BMP8B: variants seen among roughly 807,000 people sequenced by gnomAD.
BMP8B encodes bone morphogenetic protein 8b, also known as bone morphogenetic protein 8 (osteogenic protein 2).
BMP8B carries 17 observed loss-of-function variants against 30.3 expected under a neutral mutation model. The observed-to-expected ratio is 0.56, with a 90% CI of 0.38 to 0.84. The LOEUF (loss-of-function observed/expected upper bound fraction) is 0.84, where lower values mean the gene tolerates loss of function less well. Ranked by LOEUF, BMP8B falls within the 40% of genes least tolerant of loss-of-function variation. The pLI, the probability that BMP8B is intolerant of heterozygous loss-of-function variation, is 0.00. For missense variants in BMP8B, 253 were observed against 494.6 expected (o/e 0.51, Z 4.63); for synonymous variants, 131 against 214.7 (o/e 0.61, Z 3.41).
chr1:39,762,521 C>T, intron 6 of BMP8B: 2 of 1,549,888 alleles, frequency 1.3e-6, no homozygotes, highest in Non-Finnish European at 1.7e-6. Context: ...TTTAAGGTTG[C>T]CCCAGATACC....
intron 1 of BMP8B, among the ~76,000 whole-genome samples, chr1:39,775,897 G>A (rs1650191355): frequency 6.6e-6 from 1 of 151,610 alleles, no homozygotes; most frequent in South Asian, 2.1e-4. Flanking sequence ...GGCTTTGAAG[G>A]GTGGGATGGG....
intron 1 of BMP8B, among the ~76,000 whole-genome samples, chr1:39,786,792 C>T (rs920915968): frequency 2.0e-5 from 3 of 152,226 alleles, no homozygotes; most frequent in Non-Finnish European, 4.4e-5. Context: ...GAGTCCTGTC[C>T]CTGGCACTGG....
At chr1:39,769,915 G>C (rs752130743) in intron 3 of BMP8B, 21 of 1,604,134 alleles carry the variant, frequency 1.3e-5, no homozygotes, top group African/African-American at 8.2e-5. Flanking sequence ...CCATGATCTT[G>C]GGGGTGTTGT....
chr1:39,783,385 C>T (rs1362932046), intron 1 of BMP8B, among the ~76,000 whole-genome samples: 3 of 152,056 alleles, frequency 2.0e-5, no homozygotes, highest in Non-Finnish European at 4.4e-5. Context: ...GAAAACACTG[C>T]GGAAATGGGT....
rs766967048 is a variant in BMP8B, at chr1:39,788,282, C to T, written c.204G>A (p.Arg68=). 1.1e-5 allele frequency: 14 copies of T among 1,326,972 alleles called. No homozygotes were observed. Among genetic ancestry groups the T allele is most frequent in the Non-Finnish European group, 1.3e-5 (14 of 1,045,510 alleles). The allele number at this position is 1,326,972 out of a possible 1,614,324, so 82.2% of individuals were successfully genotyped here. ...TGAAGAGCGGCGCGGACGCGGGCAG[C>T]CGGGAGGCGGCGGGTGGCGCGCGGG... ...PRPRAPPAAS[R]LPASAPLFML... is the part of the protein sequence containing the mutation. Residue 68 remains arginine, a synonymous_variant, in exon 1 of 7, where the codon CGG becomes CGA. Coordinates refer to ENST00000372827, the MANE Select transcript of BMP8B (RefSeq NM_001720.5). The surrounding 1 kb of genome is among the most constrained non-coding windows in gnomAD (Gnocchi z 5.8).
Position 39,760,456 on chromosome 1 carries a change from T to G in BMP8B, c.1172A>C (p.His391Pro). 1 of 1,614,140 alleles carries G rather than the reference T, an allele frequency of 6.2e-7. No individual in the cohort carries two copies. The highest frequency in any genetic ancestry group is 8.5e-7 in the Non-Finnish European group (1 of 1,180,018). The stretch of plus-strand genomic sequence containing the variant: ...GCAGGCCTTGACCACCATGTTGCGG[T>G]GCTTGCGCAGGATGACATTGTTGCT... Reference protein sequence around the residue: ...DSSNNVILRKHRNMVVKACGC... With the variant: ...DSSNNVILRKPRNMVVKACGC... Residue 391 changes from histidine to proline, a missense_variant, in exon 7 of 7, where the codon CAC (histidine) becomes CCC (proline). Transcript: ENST00000372827.
chr1:39,771,070 C>A, intron 3 of BMP8B: 1 of 1,536,980 alleles, frequency 6.5e-7, no homozygotes, highest in South Asian at 1.2e-5. Flanking sequence ...GCCCGAAGCC[C>A]CCGATCATGA....
chr1:39,783,358 C>G (rs1308558538), intron 1 of BMP8B, among the ~76,000 whole-genome samples: 1 of 152,154 alleles, frequency 6.6e-6, no homozygotes, highest in Non-Finnish European at 1.5e-5. Context: ...CAGTCATAAT[C>G]ATTTACTCAG....
rs145676552 is a variant in BMP8B, at chr1:39,763,482, CTTAG to C, written c.948+226_948+229del. ...AGTTACCCTGCAGCAATGCTGACAG[CTTAG>C]TTGGTTGATTCAGTCTTCATTTTCA... On this transcript the variant is annotated intron_variant, in intron 5 of 6. Transcript: ENST00000372827. Among the ~76,000 whole-genome samples the C allele has an allele frequency of 4.7e-3, 687 of 145,204 alleles. 74 individuals are homozygous for C. Among genetic ancestry groups the C allele is most frequent in the African/African-American group, 0.016 (613 of 38,716 alleles).
At position 39,769,148 on chromosome 1, in the gene BMP8B, T is replaced by C. The variant is rs374756803; in HGVS notation, c.674-4331A>G. ...GTTGCAGTGAGATCACTGCATTCCA[T>C]TGCATTCCAGCCTGAGCGACAGAGC... On this transcript the variant is annotated intron_variant, in intron 3 of 6. Transcript: ENST00000372827. Among the ~76,000 whole-genome samples, 5 of 150,026 alleles carry C rather than the reference T, an allele frequency of 3.3e-5. 1 individual carries two copies. Among genetic ancestry groups the C allele is most frequent in the East Asian group, 4.0e-4 (2 of 4,970 alleles).
intron 1 of BMP8B, among the ~76,000 whole-genome samples, chr1:39,784,818 G>T (rs1247163096): frequency 2.0e-5 from 2 of 102,342 alleles, no homozygotes; most frequent in Admixed American, 2.1e-4. Flanking sequence ...CCTGTCCATG[G>T]CCACCGGAGA....
chr1:39,778,918 G>T (rs1183838185), intron 1 of BMP8B, among the ~76,000 whole-genome samples: 1 of 152,050 alleles, frequency 6.6e-6, no homozygotes, highest in Non-Finnish European at 1.5e-5. Context: ...TCAGCAGGCA[G>T]GGGGTGGGCA....
rs777374866 is a variant in BMP8B at position 39,759,159 on chromosome 1, T to C, written c.*1260A>G. 2.6e-5 allele frequency: 4 copies of C among 152,224 alleles called. No individual in the cohort carries two copies. The highest frequency in any genetic ancestry group is 5.9e-5 in the Non-Finnish European group (4 of 68,064). The allele number at this position is 152,224 out of a possible 1,614,324, so 9.4% of individuals were successfully genotyped here. The stretch of plus-strand genomic sequence containing the variant: ...GTGGCTGCTCCAAGGAGAACAGCAG[T>C]TTCCGAGAACAGCAGAGGCTGAGAC... On this transcript the variant is annotated 3_prime_UTR_variant, in exon 7 of 7. Coordinates refer to ENST00000372827, the MANE Select transcript of BMP8B (RefSeq NM_001720.5).
Position 39,760,468 on chromosome 1 carries a change from A to G in BMP8B, c.1160T>C (p.Ile387Thr). 1 of 1,614,142 alleles carries G rather than the reference A, an allele frequency of 6.2e-7. No individual in the cohort carries two copies. Among genetic ancestry groups the G allele is most frequent in the East Asian group, 2.2e-5 (1 of 44,874 alleles). The change falls in exon 7 of 7, where the codon ATC becomes ACC. Residue 387 changes from isoleucine (I) to threonine (T), a missense_variant. Physicochemically the swap from Ile to Thr is moderately conservative, Grantham distance 89. Coordinates refer to ENST00000372827, the MANE Select transcript of BMP8B (RefSeq NM_001720.5). ...CACCATGTTGCGGTGCTTGCGCAGG[A>G]TGACATTGTTGCTGCTGTCATAGTA... is the stretch of plus-strand genomic sequence containing the variant. ...VLYYDSSNNV[I>T]LRKHRNMVVK...
rs770922889 is a variant in BMP8B, at chr1:39,763,667, C to T, written c.948+45G>A. 147 of 1,569,926 alleles carry T rather than the reference C, an allele frequency of 9.4e-5. 4 individuals are homozygous for T. The highest frequency in any genetic ancestry group is 1.3e-4 in the African/African-American group (9 of 71,556). On this transcript the variant is annotated intron_variant, in intron 5 of 6. Coordinates refer to ENST00000372827, the MANE Select transcript of BMP8B (RefSeq NM_001720.5). ...TCCCTGCAGATTCACTTCTGATCTA[C>T]AGGTGGTGATTGTCATTTCAGAAAC...
intron 1 of BMP8B, among the ~76,000 whole-genome samples, chr1:39,784,321 G>A (rs1432718512): frequency 1.3e-5 from 2 of 151,156 alleles, no homozygotes; most frequent in Non-Finnish European, 3.0e-5. Context: ...GGAAAGCCCA[G>A]ATCACACTGA....
chr1:39,783,003 G>T (rs912237755), intron 1 of BMP8B, among the ~76,000 whole-genome samples: 5 of 151,422 alleles, frequency 3.3e-5, no homozygotes, highest in East Asian at 1.9e-4. Flanking sequence ...CACCATGTTG[G>T]CCAGGCTGGT....
chr1:39,761,891 C>T (rs1286157437), intron 6 of BMP8B, among the ~76,000 whole-genome samples: 2 of 152,262 alleles, frequency 1.3e-5, no homozygotes, highest in Non-Finnish European at 2.9e-5. Context: ...CAGCGCCTGT[C>T]TGTTTGCTGC....
At chr1:39,779,823 T>A (rs747476927) in intron 1 of BMP8B, among the ~76,000 whole-genome samples, 15 of 152,252 alleles carry the variant, frequency 9.9e-5, no homozygotes, top group Admixed American at 3.3e-4. Flanking sequence ...TAACTCATTA[T>A]GCAAATGTAG....
Sources: gnomAD v4.1 joint callset for allele counts (sites outside exome capture counted in the v4.1 genomes callset) on GRCh38, gnomAD v4.1.1 for gene constraint, Gnocchi (gnomAD v3.1) non-coding constraint, MANE v1.5 for transcripts, NCBI Gene and HGNC (gene_info 2026-07-23, HGNC 2026-07-21) for gene names.